Variants in PCSK6 observed in about 807,000 individuals in gnomAD.
PCSK6 encodes proprotein convertase subtilisin/kexin type 6.
PCSK6 carries 85 observed loss-of-function variants against 123.3 expected under a neutral mutation model. That is an observed-to-expected ratio of 0.69 (90% CI 0.58 to 0.83). PCSK6 has a LOEUF of 0.83. PCSK6 is among the 40% of genes least tolerant of loss of function. PCSK6 has a pLI of 0.00. For synonymous variants in PCSK6, 508 were observed against 516.0 expected (o/e 0.98, Z 0.21); for missense variants, 1,191 against 1,282.3 (o/e 0.93, Z 1.09).
At chr15:101,312,659 G>C (rs910317582) in intron 20 of PCSK6, among the ~76,000 whole-genome samples, 2 of 152,002 alleles carry the variant, frequency 1.3e-5, no homozygotes, top group East Asian at 1.9e-4. Flanking sequence ...GGTGAAACCC[G>C]GTCTCTATTA....
At chr15:101,348,516 A>G (rs1567156578) in intron 13 of PCSK6, among the ~76,000 whole-genome samples, 1 of 152,254 alleles carries the variant, frequency 6.6e-6, no homozygotes, top group Non-Finnish European at 1.5e-5. Flanking sequence ...AGCACAAGGC[A>G]GAACACAGAA....
chr15:101,377,319 A>G (rs1253460888), intron 11 of PCSK6, among the ~76,000 whole-genome samples: 1 of 152,110 alleles, frequency 6.6e-6, no homozygotes, highest in Non-Finnish European at 1.5e-5. Context: ...CACAGAGGTG[A>G]GGTCTTCTAA....
intron 1 of PCSK6, among the ~76,000 whole-genome samples, chr15:101,488,546 G>A (rs1209898078): frequency 6.6e-6 from 1 of 152,160 alleles, no homozygotes; most frequent in African/African-American, 2.4e-5. Flanking sequence ...CCCGGTCCAG[G>A]CTCTGTGGCA....
chr15:101,311,285 AT>A (rs71154317), intron 20 of PCSK6, among the ~76,000 whole-genome samples: 4,767 of 114,916 alleles, frequency 0.041, 211 homozygotes, highest in African/African-American at 0.11. Flanking sequence ...TAATTTTTGC[AT>A]TTTTTTTTTT....
At chr15:101,397,116 G>C (rs1428397110) in intron 7 of PCSK6, among the ~76,000 whole-genome samples, 1 of 152,126 alleles carries the variant, frequency 6.6e-6, no homozygotes. Context: ...GTAAGAAGTG[G>C]AGGAAACTCC....
chr15:101,470,445 T>G (rs1020940799), intron 1 of PCSK6, among the ~76,000 whole-genome samples: 8 of 152,218 alleles, frequency 5.3e-5, no homozygotes, highest in African/African-American at 1.9e-4. Flanking sequence ...TACACTGTGC[T>G]GTAAGATTAT....
chr15:101,454,832 C>A (rs544538344), intron 1 of PCSK6, among the ~76,000 whole-genome samples: 1 of 152,106 alleles, frequency 6.6e-6, no homozygotes, highest in Non-Finnish European at 1.5e-5. Context: ...GTAATCCCAG[C>A]TATTTGGGAG....
chr15:101,432,634 A>T (rs1013759701), intron 2 of PCSK6, among the ~76,000 whole-genome samples: 1 of 152,132 alleles, frequency 6.6e-6, no homozygotes. Context: ...TGTCAAAAAA[A>T]AAAAAAGACA....
chr15:101,395,852 G>C (rs903560), intron 7 of PCSK6, among the ~76,000 whole-genome samples: 83,320 of 152,014 alleles, frequency 0.55, 23,569 homozygotes, highest in East Asian at 0.89. Flanking sequence ...AATGTCTAAT[G>C]GTCCCTTCTG....
intron 13 of PCSK6, among the ~76,000 whole-genome samples, chr15:101,339,172 A>G (rs1446210927): frequency 6.6e-6 from 1 of 152,210 alleles, no homozygotes. Context: ...GGAAAGTTCT[A>G]TTAGATTAAG....
At chr15:101,361,479 G>A (rs1374069722) in intron 13 of PCSK6, among the ~76,000 whole-genome samples, 2 of 152,122 alleles carry the variant, frequency 1.3e-5, no homozygotes, top group African/African-American at 2.4e-5. Flanking sequence ...CCCTCCATGA[G>A]GCCAGGTCTG....
chr15:101,393,546 G>T, intron 7 of PCSK6, 122 bp from the exon 8 acceptor site: 1 of 693,324 alleles, frequency 1.4e-6, no homozygotes, highest in Non-Finnish European at 2.4e-6. Context: ...GTTGCATTCA[G>T]ACCATCTGGA....
At chr15:101,427,785 A>G (rs2056306813) in intron 6 of PCSK6, 107 bp downstream of exon 6, 3 of 844,388 alleles carry the variant, frequency 3.6e-6, no homozygotes, top group Non-Finnish European at 5.6e-6. Context: ...GTCTGCTGAC[A>G]TGGCCAAAGC....
chr15:101,352,433 T>A (rs2040917619), intron 13 of PCSK6, among the ~76,000 whole-genome samples: 1 of 152,188 alleles, frequency 6.6e-6, no homozygotes, highest in African/African-American at 2.4e-5. Context: ...CAGGAATATT[T>A]TTCTAATTTT....
At chr15:101,425,940 C>A (rs1264134880) in intron 6 of PCSK6, among the ~76,000 whole-genome samples, 1 of 152,202 alleles carries the variant, frequency 6.6e-6, no homozygotes, top group Non-Finnish European at 1.5e-5. Flanking sequence ...TCTAAACCAG[C>A]GCTTCTCACA....
At chr15:101,429,187 T>C (rs1016612833) in intron 5 of PCSK6, among the ~76,000 whole-genome samples, 1 of 152,138 alleles carries the variant, frequency 6.6e-6, no homozygotes, top group Non-Finnish European at 1.5e-5. Flanking sequence ...CCTCTAAATA[T>C]TTTTAGAGGA....
intron 9 of PCSK6, among the ~76,000 whole-genome samples, chr15:101,387,525 C>T (rs73479156): frequency 6.6e-6 from 1 of 152,176 alleles, no homozygotes; most frequent in African/African-American, 2.4e-5. Context: ...TTGACTCTAG[C>T]AATAAAATCA....
At chr15:101,425,715 T>C (rs1195401986) in intron 6 of PCSK6, among the ~76,000 whole-genome samples, 1 of 152,158 alleles carries the variant, frequency 6.6e-6, no homozygotes, top group African/African-American at 2.4e-5. Flanking sequence ...CCAAATTCTA[T>C]CCCTACATTT....
intron 13 of PCSK6, among the ~76,000 whole-genome samples, chr15:101,332,420 C>CT (rs2040390592): frequency 6.6e-6 from 1 of 152,174 alleles, no homozygotes; most frequent in African/African-American, 2.4e-5. Context: ...CTTGGGATAT[C>CT]CGGTGGGTAA....
Sources: gnomAD v4.1 joint callset for allele counts (sites outside exome capture counted in the v4.1 genomes callset) on GRCh38, gnomAD v4.1.1 for gene constraint, MANE v1.5 for transcripts, NCBI Gene and HGNC (gene_info 2026-07-23, HGNC 2026-07-21) for gene names.